Variants in LYRM4 observed in about 807,000 individuals in gnomAD.
LYRM4 encodes the protein LYR motif containing 4.
In LYRM4, 9 loss-of-function variants were observed where a neutral mutation model predicts 11.7. That is an observed-to-expected ratio of 0.77 (90% CI 0.46 to 1.34). LYRM4 has a LOEUF of 1.34. Ranked by LOEUF, LYRM4 falls within the 40% of genes most tolerant of loss-of-function variation. The pLI, the probability that LYRM4 is intolerant of heterozygous loss-of-function variation, is 0.00. For missense variants in LYRM4, 133 were observed against 112.5 expected (o/e 1.18, Z -0.82); for synonymous variants, 42 against 40.4 (o/e 1.04, Z -0.15).
At chr6:5,058,149 T>C in the LYRM4 span, among the ~76,000 whole-genome samples, 2 of 152,204 alleles carry the variant, frequency 1.3e-5, no homozygotes, top group African/African-American at 4.8e-5. Flanking sequence ...TGTCTCCTTC[T>C]TCGGGTTCCA....
Position 5,260,738 on chromosome 6 carries a change from G to A in LYRM4, c.-5C>T. ...TGCGCGACTGGAGGCTGCCATTTTG[G>A]AAAGAAAAAAAAATAAACGGGTCCT... On this transcript the variant is annotated 5_prime_UTR_variant, in exon 1 of 3. Coordinates refer to ENST00000330636, the MANE Select transcript of LYRM4 (RefSeq NM_020408.6). 1 of 1,540,414 alleles carries A rather than the reference G, an allele frequency of 6.5e-7. No homozygotes were observed. The highest frequency in any genetic ancestry group is 1.4e-5 in the African/African-American group (1 of 72,026).
intron 2 of LYRM4, among the ~76,000 whole-genome samples, chr6:5,116,441 T>C (rs1175075966): frequency 2.0e-5 from 3 of 152,198 alleles, no homozygotes; most frequent in African/African-American, 7.2e-5. Context: ...TAAATGTTTG[T>C]GTAACAGTTC....
chr6:5,154,428 G>C (rs1367730455), intron 2 of LYRM4, among the ~76,000 whole-genome samples: 1 of 130,426 alleles, frequency 7.7e-6, no homozygotes, highest in African/African-American at 2.6e-5. Flanking sequence ...AGGGCATCAC[G>C]TGCTGGACAG....
At chr6:5,171,342 C>T (rs912575358) in intron 2 of LYRM4, among the ~76,000 whole-genome samples, 4 of 152,162 alleles carry the variant, frequency 2.6e-5, no homozygotes, top group Admixed American at 1.3e-4. Flanking sequence ...AACACTGTTT[C>T]GGGAGAGTCC....
the LYRM4 span, among the ~76,000 whole-genome samples, chr6:5,095,032 C>T: frequency 6.6e-6 from 1 of 151,994 alleles, no homozygotes; most frequent in Non-Finnish European, 1.5e-5. Flanking sequence ...GATGGATAGC[C>T]CAGTTACCCT....
At chr6:5,243,151 A>C (rs1202686861) in intron 1 of LYRM4, among the ~76,000 whole-genome samples, 2 of 152,238 alleles carry the variant, frequency 1.3e-5, no homozygotes. Context: ...GCAAATGCTC[A>C]GTTCGTGTGT....
chr6:5,234,632 T>C (rs1336883596), intron 1 of LYRM4, among the ~76,000 whole-genome samples: 4 of 151,746 alleles, frequency 2.6e-5, no homozygotes, highest in East Asian at 1.9e-4. Flanking sequence ...ATAATAAATA[T>C]AGAATTCAAA....
At chr6:5,166,995 T>C (rs1759124759) in intron 2 of LYRM4, among the ~76,000 whole-genome samples, 1 of 152,148 alleles carries the variant, frequency 6.6e-6, no homozygotes, top group South Asian at 2.1e-4. Flanking sequence ...GCTGGTTTTA[T>C]AGGTGAGAGC....
intron 2 of LYRM4, among the ~76,000 whole-genome samples, chr6:5,200,676 G>C (rs1319381923): frequency 6.6e-6 from 1 of 152,192 alleles, no homozygotes; most frequent in Non-Finnish European, 1.5e-5. Context: ...CTCACAGGTG[G>C]AGTAGACCAG....
At chr6:5,084,728 G>C in the LYRM4 span, 6 of 152,364 alleles carry the variant, frequency 3.9e-5, no homozygotes, top group East Asian at 1.9e-4. Context: ...CGGAAGAGCA[G>C]AGCGGAGCGC....
At chr6:5,105,869 T>G (rs1762648766), downstream of LYRM4, 1 of 153,372 alleles carries the variant, frequency 6.5e-6, no homozygotes, top group South Asian at 2.1e-4. Context: ...ACTCCCGAGT[T>G]GCTCACCATC....
intron 1 of LYRM4, among the ~76,000 whole-genome samples, chr6:5,222,777 AG>A (rs1362252979): frequency 3.3e-5 from 5 of 151,322 alleles, no homozygotes; most frequent in Non-Finnish European, 7.4e-5. Flanking sequence ...AAAAAAAAAA[AG>A]AAAGATTAGA....
At chr6:5,172,289 G>A (rs767361188) in intron 2 of LYRM4, among the ~76,000 whole-genome samples, 3 of 152,182 alleles carry the variant, frequency 2.0e-5, no homozygotes, top group African/African-American at 4.8e-5. Flanking sequence ...TGCACAGCAC[G>A]GAAGAGCATC....
In LYRM4 at chr6:5,198,653, T is replaced by A. The variant is rs781031685; in HGVS notation, c.207+17965A>T. On this transcript the variant is annotated intron_variant, in intron 2 of 2. Transcript: ENST00000330636. Reference sequence around the variant, plus strand: ...AAACCTCATTGCCCAGTAATACCCATCTCTTACAAGCACTGTAAAGTCAGC... The same window carrying A: ...AAACCTCATTGCCCAGTAATACCCAACTCTTACAAGCACTGTAAAGTCAGC... 2.0e-5 allele frequency among the ~76,000 whole-genome samples: 3 copies of A among 152,156 alleles called. No homozygotes were observed. In the East Asian group the frequency reaches 5.8e-4, roughly 29 times the overall value.
chr6:5,184,174 T>C (rs1401873422), intron 2 of LYRM4, among the ~76,000 whole-genome samples: 2 of 152,072 alleles, frequency 1.3e-5, no homozygotes, highest in Non-Finnish European at 2.9e-5. Context: ...TGAAGACAAA[T>C]TTTTTTCATA....
intron 1 of LYRM4, among the ~76,000 whole-genome samples, chr6:5,228,700 A>G (rs1244168769): frequency 2.6e-5 from 4 of 152,254 alleles, no homozygotes; most frequent in Non-Finnish European, 4.4e-5. Context: ...GCAAAGTTTA[A>G]TAATTAAGAA....
intron 2 of LYRM4, among the ~76,000 whole-genome samples, chr6:5,214,565 G>A (rs1349980754): frequency 1.3e-5 from 2 of 152,180 alleles, no homozygotes; most frequent in Non-Finnish European, 2.9e-5. Flanking sequence ...GACCATGTGT[G>A]GGGTGGAGTA....
chr6:5,180,751 A>T (rs1214082687), intron 2 of LYRM4, among the ~76,000 whole-genome samples: 7 of 152,158 alleles, frequency 4.6e-5, no homozygotes, highest in Admixed American at 4.6e-4. Context: ...TGCTTCACCT[A>T]ACTTCTATTG....
the LYRM4 span, among the ~76,000 whole-genome samples, chr6:5,040,352 G>GATACATAC: frequency 2.8e-3 from 359 of 130,174 alleles, no homozygotes; most frequent in African/African-American, 3.2e-3. Context: ...TAGATAGATA[G>GATACATAC]ATACATACAT....
Sources: gnomAD v4.1 joint callset for allele counts (sites outside exome capture counted in the v4.1 genomes callset) on GRCh38, gnomAD v4.1.1 for gene constraint, MANE v1.5 for transcripts, NCBI Gene and HGNC (gene_info 2026-07-23, HGNC 2026-07-21) for gene names.